OTULIN: variants seen among roughly 807,000 people sequenced by gnomAD.
OTULIN encodes ubiquitin thioesterase otulin.
Under a neutral mutation model 39.6 loss-of-function variants are expected in OTULIN, and 15 were observed. The observed-to-expected ratio is 0.38, with a 90% CI of 0.25 to 0.58. The LOEUF is 0.58. OTULIN is among the 20% of genes least tolerant of loss of function. The pLI is 0.66. For missense variants in OTULIN, 319 were observed against 445.9 expected (o/e 0.72, Z 2.56); for synonymous variants, 156 against 170.3 (o/e 0.92, Z 0.65).
chr5:14,685,020 A>T (rs925020392), intron 4 of OTULIN, among the ~76,000 whole-genome samples: 5 of 152,100 alleles, frequency 3.3e-5, no homozygotes, highest in Non-Finnish European at 7.4e-5. Flanking sequence ...AGATCATCTG[A>T]CCCTCACCCC....
chr5:14,669,367 A>G (rs1266603829), intron 1 of OTULIN, among the ~76,000 whole-genome samples: 2 of 110,356 alleles, frequency 1.8e-5, no homozygotes, highest in East Asian at 1.9e-4. Flanking sequence ...CTCCGTCTCA[A>G]AAAAAGAAAA....
rs1268844006 is a variant in OTULIN at position 14,678,684 on chromosome 5, C to T, written c.233C>T (p.Pro78Leu). The T allele has an allele frequency of 1.3e-6, 2 of 1,565,926 alleles. No homozygotes were observed. Among genetic ancestry groups the T allele is most frequent in the Non-Finnish European group, 1.7e-6 (2 of 1,161,872 alleles). ...TTTTTTTTAAATTCTTTAACAGAAC[C>T]GAGATTAAGCGTAGCTCCTGAAATG... ...LLIHERGASE[P>L]RLSVAPEMDI... is the part of the protein sequence containing the mutation. Residue 78 changes from proline (P) to leucine (L), a missense_variant, in exon 3 of 7, where the codon CCG (proline) becomes CTG (leucine). Physicochemically the swap from Pro to Leu is moderately conservative, Grantham distance 98. Coordinates refer to ENST00000284274, the MANE Select transcript of OTULIN (RefSeq NM_138348.6).
chr5:14,690,165 A>G lies in OTULIN; in HGVS notation c.721A>G (p.Ile241Val), dbSNP rs751768304. 4 of 1,614,230 alleles carry G rather than the reference A, an allele frequency of 2.5e-6. No homozygotes were observed. Among genetic ancestry groups the G allele is most frequent in the Non-Finnish European group, 3.4e-6 (4 of 1,180,040 alleles). Residue 241 changes from isoleucine (I) to valine (V), a missense_variant, in exon 6 of 7, where the codon ATT becomes GTT. Ile to Val is a conservative substitution (Grantham distance 29). Around this residue, in one of 4 missense-constraint regions of OTULIN, gnomAD observed 106 missense variants for 192.8 expected, o/e 0.55. Coordinates refer to ENST00000284274, the MANE Select transcript of OTULIN (RefSeq NM_138348.6). This position sits in a 1 kb window ranked among gnomAD's most constrained non-coding sequence, Gnocchi z 4.5. ...AAAATTTCTAATGCTAAACAGAGCC[A>G]TTGAACTATATAATGATAAAGAGAA... Reference protein sequence around the residue: ...AVKFLMLNRAIELYNDKEKGK... With the variant: ...AVKFLMLNRAVELYNDKEKGK...
At position 14,691,175 on chromosome 5, in the gene OTULIN, T is replaced by TA. The variant is rs147096915; in HGVS notation, c.864+868dup. 2.7e-3 allele frequency among the ~76,000 whole-genome samples: 409 copies of TA among 152,382 alleles called. 3 individuals are homozygous for TA. Among genetic ancestry groups the TA allele is most frequent in the African/African-American group, 9.3e-3 (388 of 41,590 alleles). On this transcript the variant is annotated intron_variant, in intron 6 of 6. Transcript: ENST00000284274. ...TAAAAAGTCTTAATGAGGTTTTTTT[T>TA]ATTGGAATAGCCAACCGCTAAAGTA...
chr5:14,672,772 C>T (rs1736010699), intron 1 of OTULIN, among the ~76,000 whole-genome samples: 3 of 152,162 alleles, frequency 2.0e-5, no homozygotes, highest in South Asian at 2.1e-4. Flanking sequence ...GCCTTGGCTT[C>T]CCTGTCCTGT....
At chr5:14,672,499 A>T (rs1409899596) in intron 1 of OTULIN, among the ~76,000 whole-genome samples, 2 of 149,842 alleles carry the variant, frequency 1.3e-5, no homozygotes, top group African/African-American at 4.9e-5. Flanking sequence ...TTCACTGAAT[A>T]TTTTTTTTTT....
At chr5:14,677,626 C>T (rs1396419362) in intron 2 of OTULIN, among the ~76,000 whole-genome samples, 1 of 151,260 alleles carries the variant, frequency 6.6e-6, no homozygotes, top group Non-Finnish European at 1.5e-5. Flanking sequence ...ATTTTTTTTT[C>T]ACTATAACAT....
intron 1 of OTULIN, among the ~76,000 whole-genome samples, chr5:14,665,406 G>T (rs1735810453): frequency 6.6e-6 from 1 of 152,224 alleles, no homozygotes; most frequent in Non-Finnish European, 1.5e-5. Context: ...CGTCCCACCT[G>T]TTGGACAGAC....
intron 1 of OTULIN, among the ~76,000 whole-genome samples, chr5:14,666,138 A>G (rs1735838067): frequency 6.6e-6 from 1 of 152,174 alleles, no homozygotes; most frequent in Non-Finnish European, 1.5e-5. Context: ...AGTGCGCTTA[A>G]TTTAATGCCC....
downstream of OTULIN, among the ~76,000 whole-genome samples, chr5:14,703,719 C>T (rs963259248): frequency 3.3e-5 from 5 of 152,174 alleles, no homozygotes; most frequent in Non-Finnish European, 5.9e-5. Context: ...ATACTTGACC[C>T]GATAGCTAGG....
chr5:14,692,603 T>A (rs1287106336), intron 6 of OTULIN, among the ~76,000 whole-genome samples: 1 of 152,170 alleles, frequency 6.6e-6, no homozygotes, highest in African/African-American at 2.4e-5. Flanking sequence ...GTTTTTTGTT[T>A]TGTTAATTGT....
rs755028528 is a variant in OTULIN at position 14,678,815 on chromosome 5, A to T, written c.324+40A>T. ...TGCACATATTTCAGGTCTTTCAAATAGTCTATCATAAGTTGTTTAATATGT... is the reference window on the plus strand; with the variant it reads ...TGCACATATTTCAGGTCTTTCAAATTGTCTATCATAAGTTGTTTAATATGT... On this transcript the variant is annotated intron_variant, in intron 3 of 6. Transcript: ENST00000284274. 5.2e-6 allele frequency: 7 copies of T among 1,358,742 alleles called. 1 individual carries two copies. The Admixed American group carries it at 1.5e-4, about 29-fold the overall frequency. 84.2% of individuals were successfully genotyped at this position (1,358,742 alleles called of 1,614,324 possible).
At chr5:14,666,925 A>T (rs562996905) in intron 1 of OTULIN, among the ~76,000 whole-genome samples, 129 of 152,316 alleles carry the variant, frequency 8.5e-4, no homozygotes, top group Non-Finnish European at 1.4e-3. Flanking sequence ...ATTCATGTCA[A>T]TTCCTGCATG....
chr5:14,679,554 A>G (rs1736192462), intron 3 of OTULIN, among the ~76,000 whole-genome samples: 1 of 152,214 alleles, frequency 6.6e-6, no homozygotes. Flanking sequence ...TATGAATTTG[A>G]ATGCACTTCT....
At chr5:14,686,074 T>G (rs530728270) in intron 4 of OTULIN, among the ~76,000 whole-genome samples, 11 of 152,290 alleles carry the variant, frequency 7.2e-5, no homozygotes, top group African/African-American at 2.6e-4. Context: ...TCGCCATCAC[T>G]GTGGTCACAG....
At chr5:14,708,559 T>C in the OTULIN span, 1 of 152,234 alleles carries the variant, frequency 6.6e-6, no homozygotes, top group Non-Finnish European at 1.5e-5. Flanking sequence ...ATCTCTCATG[T>C]CTAGCTGGAT....
chr5:14,711,860 C>T, the OTULIN span, among the ~76,000 whole-genome samples: 1 of 151,960 alleles, frequency 6.6e-6, no homozygotes, highest in Non-Finnish European at 1.5e-5. Flanking sequence ...CAGCCCCAGC[C>T]CCACCTCAGC....
At chr5:14,714,694 A>G in the OTULIN span, among the ~76,000 whole-genome samples, 2 of 152,126 alleles carry the variant, frequency 1.3e-5, no homozygotes, top group African/African-American at 2.4e-5. Context: ...TGACCAAAGG[A>G]GAGAGTCAGG....
chr5:14,710,664 T>A, the OTULIN span: 5 of 175,442 alleles, frequency 2.8e-5, no homozygotes, highest in Admixed American at 5.5e-5. Flanking sequence ...ATGTGTGGAG[T>A]AGATGGTTTC....
Sources: allele counts gnomAD v4.1 joint callset (sites outside exome capture counted in the v4.1 genomes callset), GRCh38; gene constraint gnomAD v4.1.1; regional missense constraint gnomAD v4.1.1; non-coding constraint Gnocchi (gnomAD v3.1); transcripts MANE v1.5; gene names NCBI Gene and HGNC (gene_info 2026-07-23, HGNC 2026-07-21).